The following PRELID2 variants were observed in gnomAD, a reference collection of about 807,000 sequenced individuals.
PRELID2 encodes the protein PRELI domain-containing protein 2.
In PRELID2, 25 loss-of-function variants were observed where a neutral mutation model predicts 28.4. The observed-to-expected ratio is 0.88, with a 90% CI of 0.64 to 1.23. The LOEUF (loss-of-function observed/expected upper bound fraction) is 1.23, where lower values mean the gene tolerates loss of function less well. Ranked by LOEUF, PRELID2 falls within the 50% of genes most tolerant of loss-of-function variation. The probability of loss-of-function intolerance (pLI) is 0.00; values close to 1 mark genes in which losing one functional copy is unlikely to be tolerated. For missense variants in PRELID2, 201 were observed against 214.4 expected (o/e 0.94, Z 0.39); for synonymous variants, 76 against 71.6 (o/e 1.06, Z -0.31).
intron 1 of PRELID2, among the ~76,000 whole-genome samples, chr5:145,688,153 C>A (rs942771850): frequency 7.9e-5 from 12 of 152,208 alleles, no homozygotes; most frequent in South Asian, 2.1e-4. Flanking sequence ...GGCTTTTAAC[C>A]TGGTGAATCA....
At chr5:145,701,203 G>A (rs1755398053) in intron 1 of PRELID2, among the ~76,000 whole-genome samples, 2 of 152,188 alleles carry the variant, frequency 1.3e-5, no homozygotes, top group Non-Finnish European at 2.9e-5. Flanking sequence ...AAATGTAGGT[G>A]ACAGAGTCTG....
At chr5:145,575,278 T>A (rs1753051124) in intron 1 of PRELID2, among the ~76,000 whole-genome samples, 1 of 152,210 alleles carries the variant, frequency 6.6e-6, no homozygotes, top group Non-Finnish European at 1.5e-5. Context: ...ACAAATCTTT[T>A]CTCATTAACC....
At chr5:145,660,003 C>T (rs1581034643) in intron 1 of PRELID2, among the ~76,000 whole-genome samples, 1 of 152,040 alleles carries the variant, frequency 6.6e-6, no homozygotes, top group South Asian at 2.1e-4. Context: ...ACAGTGGCTA[C>T]CGTATATTGA....
the PRELID2 span, among the ~76,000 whole-genome samples, chr5:145,311,732 A>G: frequency 6.6e-6 from 1 of 152,124 alleles, no homozygotes; most frequent in Non-Finnish European, 1.5e-5. Context: ...AGTGATTCCC[A>G]TTACTAGCAG....
chr5:145,616,511 G>T (rs1012707068), intron 1 of PRELID2, among the ~76,000 whole-genome samples: 2 of 152,158 alleles, frequency 1.3e-5, no homozygotes, highest in African/African-American at 4.8e-5. Context: ...GTACAAAAGA[G>T]AGAAATTTTA....
chr5:145,765,540 C>T (rs985601627), intron 5 of PRELID2, among the ~76,000 whole-genome samples: 2 of 152,236 alleles, frequency 1.3e-5, no homozygotes, highest in Non-Finnish European at 2.9e-5. Flanking sequence ...CCTCCAGGGG[C>T]AGCATACATC....
chr5:145,618,642 T>C (rs1413467336), intron 1 of PRELID2, among the ~76,000 whole-genome samples: 1 of 152,142 alleles, frequency 6.6e-6, no homozygotes, highest in Non-Finnish European at 1.5e-5. Flanking sequence ...TAATGCTCTA[T>C]TTTTGTGCTG....
chr5:145,401,164 A>G, the PRELID2 span, among the ~76,000 whole-genome samples: 1 of 152,174 alleles, frequency 6.6e-6, no homozygotes, highest in African/African-American at 2.4e-5. Flanking sequence ...TGAAATTTCA[A>G]GGACCTAAAA....
the PRELID2 span, among the ~76,000 whole-genome samples, chr5:145,398,913 G>A: frequency 6.6e-6 from 1 of 152,042 alleles, no homozygotes; most frequent in Non-Finnish European, 1.5e-5. Context: ...AGTCTTGAGA[G>A]GATCATATAG....
intron 1 of PRELID2, among the ~76,000 whole-genome samples, chr5:145,480,769 A>G (rs1406321523): frequency 6.6e-6 from 1 of 152,162 alleles, no homozygotes; most frequent in Non-Finnish European, 1.5e-5. Context: ...AAAGAGGAAA[A>G]TTTGCTTTCA....
chr5:145,305,661 C>T, the PRELID2 span, among the ~76,000 whole-genome samples: 1 of 151,442 alleles, frequency 6.6e-6, no homozygotes, highest in South Asian at 2.1e-4. Context: ...AAGAGAGGTC[C>T]CTGACCTGGG....
intron 1 of PRELID2, among the ~76,000 whole-genome samples, chr5:145,697,572 G>A (rs1755308404): frequency 6.6e-6 from 1 of 152,168 alleles, no homozygotes; most frequent in South Asian, 2.1e-4. Context: ...GTAGAGGTCA[G>A]TAGTGACAAC....
intron 1 of PRELID2, among the ~76,000 whole-genome samples, chr5:145,746,419 C>T (rs1327213268): frequency 6.6e-6 from 1 of 152,014 alleles, no homozygotes; most frequent in African/African-American, 2.4e-5. Context: ...CAACAAAGAT[C>T]AAAAGAGACA....
chr5:145,678,029 T>C (rs1047465547), intron 1 of PRELID2, among the ~76,000 whole-genome samples: 6 of 152,234 alleles, frequency 3.9e-5, no homozygotes, highest in Middle Eastern at 3.2e-3. Flanking sequence ...ATGAGGGCAA[T>C]GTCTGTAGAA....
At chr5:145,422,191 G>GA in the PRELID2 span, among the ~76,000 whole-genome samples, 2 of 148,560 alleles carry the variant, frequency 1.3e-5, no homozygotes, top group Non-Finnish European at 3.0e-5. Context: ...GTGTGGTGCT[G>GA]AAAAAAATGT....
chr5:145,393,360 G>A, the PRELID2 span, among the ~76,000 whole-genome samples: 1 of 152,160 alleles, frequency 6.6e-6, no homozygotes, highest in African/African-American at 2.4e-5. Flanking sequence ...GCACCTCGGT[G>A]TGGGAACTGA....
At chr5:145,728,474 G>A (rs2149724015) in intron 1 of PRELID2, 3 of 659,496 alleles carry the variant, frequency 4.5e-6, no homozygotes, top group Non-Finnish European at 8.3e-6. Context: ...AAGGGAACAG[G>A]AAGTGTTCTC....
chr5:145,387,043 T>A, the PRELID2 span, among the ~76,000 whole-genome samples: 3 of 152,314 alleles, frequency 2.0e-5, no homozygotes, highest in East Asian at 5.8e-4. Flanking sequence ...TCCAAAAAGG[T>A]TCATTTTACA....
At chr5:145,793,899 C>G (rs1274269060) in intron 5 of PRELID2, among the ~76,000 whole-genome samples, 1 of 152,030 alleles carries the variant, frequency 6.6e-6, no homozygotes, top group Admixed American at 6.6e-5. Context: ...TATATATCCG[C>G]CCCACAACCC....
Sources: gnomAD v4.1 joint callset for allele counts (sites outside exome capture counted in the v4.1 genomes callset) on GRCh38, gnomAD v4.1.1 for gene constraint, MANE v1.5 for transcripts, NCBI Gene and HGNC (gene_info 2026-07-23, HGNC 2026-07-21) for gene names.